The following ZNF385D variants were observed in gnomAD, a reference collection of about 807,000 sequenced individuals.
The protein encoded by ZNF385D is zinc finger protein 659.
ZNF385D carries 15 observed loss-of-function variants against 35.8 expected under a neutral mutation model. The ratio of observed to expected loss-of-function variants is 0.42; its 90% CI spans 0.28 to 0.64. The LOEUF is 0.64. Ranked by LOEUF, ZNF385D falls within the 30% of genes least tolerant of loss-of-function variation. The probability of loss-of-function intolerance (pLI) is 0.23; values close to 1 mark genes in which losing one functional copy is unlikely to be tolerated. For synonymous variants in ZNF385D, 212 were observed against 186.8 expected (o/e 1.13, Z -1.10); for missense variants, 474 against 494.6 (o/e 0.96, Z 0.39).
intron 2 of ZNF385D, among the ~76,000 whole-genome samples, chr3:22,345,891 C>T (rs1349793486): frequency 2.0e-5 from 3 of 152,202 alleles, no homozygotes; most frequent in Non-Finnish European, 4.4e-5. Context: ...CAAGTCAGGG[C>T]ATCTCTGAGG....
chr3:21,746,399 G>C (rs1413143530), intron 1 of ZNF385D, among the ~76,000 whole-genome samples: 2 of 152,152 alleles, frequency 1.3e-5, no homozygotes, highest in Non-Finnish European at 2.9e-5. Flanking sequence ...TTTTAAAATA[G>C]GAACTTCATA....
At chr3:21,814,625 A>G (rs2073070002) in intron 3 of ZNF385D, among the ~76,000 whole-genome samples, 1 of 152,232 alleles carries the variant, frequency 6.6e-6, no homozygotes, top group Non-Finnish European at 1.5e-5. Flanking sequence ...TTCAACAAGA[A>G]GAGCTAACTA....
chr3:21,994,404 A>G (rs1008098035), intron 3 of ZNF385D, among the ~76,000 whole-genome samples: 2 of 152,208 alleles, frequency 1.3e-5, no homozygotes, highest in African/African-American at 2.4e-5. Context: ...AATCATATCT[A>G]TCTTTGTTGA....
intron 3 of ZNF385D, among the ~76,000 whole-genome samples, chr3:22,060,942 C>A (rs1290510766): frequency 1.3e-5 from 2 of 151,916 alleles, no homozygotes; most frequent in Non-Finnish European, 2.9e-5. Flanking sequence ...AAGTTAATTT[C>A]ATATCAAATT....
At chr3:22,363,044 C>T (rs923875271) in intron 2 of ZNF385D, among the ~76,000 whole-genome samples, 13 of 151,996 alleles carry the variant, frequency 8.6e-5, no homozygotes, top group Admixed American at 5.9e-4. Flanking sequence ...CAACTTAGTT[C>T]GCTGTGCCCT....
At chr3:21,802,627 T>A (rs1354009344) in intron 3 of ZNF385D, among the ~76,000 whole-genome samples, 1 of 152,158 alleles carries the variant, frequency 6.6e-6, no homozygotes, top group Admixed American at 6.6e-5. Flanking sequence ...ACAGGCCAAC[T>A]GTATAAGATG....
At chr3:21,987,405 T>G (rs1694870857) in intron 3 of ZNF385D, among the ~76,000 whole-genome samples, 1 of 118,344 alleles carries the variant, frequency 8.4e-6, no homozygotes, top group East Asian at 2.1e-4. Flanking sequence ...CTGTAAAGTA[T>G]TTTATTTCTC....
At chr3:21,904,311 A>G (rs1699564742) in intron 3 of ZNF385D, among the ~76,000 whole-genome samples, 1 of 151,672 alleles carries the variant, frequency 6.6e-6, no homozygotes, top group South Asian at 2.1e-4. Flanking sequence ...TCAAAAAAAA[A>G]AAAAAAAAAA....
At chr3:22,347,309 G>A (rs1248124751) in intron 2 of ZNF385D, among the ~76,000 whole-genome samples, 1 of 152,096 alleles carries the variant, frequency 6.6e-6, no homozygotes, top group Non-Finnish European at 1.5e-5. Context: ...GGTAGCATTA[G>A]AACCCAGTTA....
intron 2 of ZNF385D, among the ~76,000 whole-genome samples, chr3:22,352,205 T>A (rs1695947624): frequency 6.6e-6 from 1 of 152,132 alleles, no homozygotes; most frequent in Non-Finnish European, 1.5e-5. Flanking sequence ...AAAGCAAAAT[T>A]GAAGAAAAAA....
chr3:21,775,146 A>C (rs2071235637), intron 3 of ZNF385D, among the ~76,000 whole-genome samples: 1 of 151,872 alleles, frequency 6.6e-6, no homozygotes, highest in Non-Finnish European at 1.5e-5. Flanking sequence ...AATCATCAAA[A>C]CTGTAAAGTA....
At chr3:21,844,385 G>T (rs980395701) in intron 3 of ZNF385D, among the ~76,000 whole-genome samples, 4 of 139,902 alleles carry the variant, frequency 2.9e-5, no homozygotes, top group Non-Finnish European at 4.4e-5. Context: ...ATTATAGATG[G>T]TGCTTTCTTG....
chr3:22,148,810 C>G (rs552530125), intron 3 of ZNF385D, among the ~76,000 whole-genome samples: 21 of 152,258 alleles, frequency 1.4e-4, no homozygotes, highest in Admixed American at 1.2e-3. Flanking sequence ...GAATTTATGA[C>G]TGCTTTTCAA....
chr3:21,955,566 G>A (rs1291286935), intron 3 of ZNF385D, among the ~76,000 whole-genome samples: 1 of 152,100 alleles, frequency 6.6e-6, no homozygotes, highest in East Asian at 1.9e-4. Flanking sequence ...ACTGAAGCCT[G>A]GGTGAGGAAA....
chr3:21,440,085 A>C (rs1701780288), intron 4 of ZNF385D, among the ~76,000 whole-genome samples: 1 of 152,116 alleles, frequency 6.6e-6, no homozygotes, highest in South Asian at 2.1e-4. Context: ...AACAGTGATA[A>C]AGGGGTGTTT....
chr3:22,203,728 A>G (rs1576490810), intron 2 of ZNF385D, among the ~76,000 whole-genome samples: 1 of 152,112 alleles, frequency 6.6e-6, no homozygotes, highest in African/African-American at 2.4e-5. Flanking sequence ...TGTGGTGGAC[A>G]TGGAAGCAGA....
intron 2 of ZNF385D, among the ~76,000 whole-genome samples, chr3:22,172,055 A>C (rs1446154615): frequency 1.3e-5 from 2 of 152,266 alleles, no homozygotes; most frequent in Middle Eastern, 3.4e-3. Flanking sequence ...CACTGAGAAA[A>C]AGTTCAGCAG....
intron 2 of ZNF385D, among the ~76,000 whole-genome samples, chr3:21,572,240 A>G (rs559781149): frequency 4.7e-4 from 72 of 152,334 alleles, no homozygotes; most frequent in Non-Finnish European, 8.4e-4. Context: ...GGACAAAGAT[A>G]AGGCCAAACT....
chr3:22,245,065 G>A (rs1297682564), intron 2 of ZNF385D, among the ~76,000 whole-genome samples: 3 of 152,088 alleles, frequency 2.0e-5, no homozygotes, highest in Admixed American at 6.6e-5. Context: ...GATCTATGCT[G>A]TATAAGTCTT....
Sources: allele counts gnomAD v4.1 joint callset (sites outside exome capture counted in the v4.1 genomes callset), GRCh38; gene constraint gnomAD v4.1.1; transcripts MANE v1.5; gene names NCBI Gene and HGNC (gene_info 2026-07-23, HGNC 2026-07-21).